ETS1: variants seen among roughly 807,000 people sequenced by gnomAD.
ETS1 encodes ETS proto-oncogene 1, transcription factor, also known as protein C-ets-1.
Under a neutral mutation model 58.6 loss-of-function variants are expected in ETS1, and 15 were observed. That is an observed-to-expected ratio of 0.26 (90% CI 0.17 to 0.39). ETS1 has a LOEUF of 0.39. Ranked by LOEUF, ETS1 falls within the 10% of genes least tolerant of loss-of-function variation. The probability of loss-of-function intolerance (pLI) is 1.00; values close to 1 mark genes in which losing one functional copy is unlikely to be tolerated. For synonymous variants in ETS1, 214 were observed against 218.2 expected, an observed-to-expected ratio of 0.98 and a Z score of 0.17; for missense variants, 417 against 610.5, an observed-to-expected ratio of 0.68 and a Z score of 3.34.
intron 2 of ETS1, among the ~76,000 whole-genome samples, chr11:128,561,047 G>A (rs976844382): frequency 1.3e-5 from 2 of 152,192 alleles, no homozygotes; most frequent in African/African-American, 2.4e-5. Context: ...GATTCAGGGA[G>A]GTGTTATAGA....
At chr11:128,584,711 G>A (rs1297646779) in intron 1 of ETS1, among the ~76,000 whole-genome samples, 1 of 152,022 alleles carries the variant, frequency 6.6e-6, no homozygotes, top group African/African-American at 2.4e-5. Flanking sequence ...CAAAAAGTAA[G>A]TTATGTCTTC....
chr11:128,461,687 C>T lies in ETS1; in HGVS notation c.*674G>A, dbSNP rs898563136. On this transcript the variant is annotated 3_prime_UTR_variant, in exon 10 of 10. Coordinates refer to ENST00000392668, the MANE Select transcript of ETS1 (RefSeq NM_001143820.2). Reference sequence around the variant, plus strand: ...CTTTCATTGTGACAGAATCCTCAGCCGGCAAATAAAAACAAACTTACATGA... The same window carrying T: ...CTTTCATTGTGACAGAATCCTCAGCTGGCAAATAAAAACAAACTTACATGA... 2.6e-5 allele frequency: 4 copies of T among 152,374 alleles called. No homozygotes were observed. The highest frequency in any genetic ancestry group is 4.4e-5 in the Non-Finnish European group (3 of 67,990). 9.4% of individuals were successfully genotyped at this position (152,374 alleles called of 1,614,324 possible).
chr11:128,546,885 G>A (rs982050484), intron 3 of ETS1, among the ~76,000 whole-genome samples: 26 of 152,184 alleles, frequency 1.7e-4, no homozygotes, highest in African/African-American at 5.3e-4. Flanking sequence ...ATCATAGTGT[G>A]ACTTTTCTGT....
chr11:128,505,800 C>G (rs923163639), intron 3 of ETS1, among the ~76,000 whole-genome samples: 7 of 152,196 alleles, frequency 4.6e-5, no homozygotes, highest in Non-Finnish European at 8.8e-5. Flanking sequence ...CAGCCCTCAT[C>G]CGCTGCTAAT....
At chr11:128,537,058 G>A (rs1591649226) in intron 3 of ETS1, among the ~76,000 whole-genome samples, 1 of 152,036 alleles carries the variant, frequency 6.6e-6, no homozygotes, top group Non-Finnish European at 1.5e-5. Flanking sequence ...ATCTGTCCAG[G>A]GTACAGAGAC....
At chr11:128,515,252 T>TCACACA (rs34618232) in intron 3 of ETS1, among the ~76,000 whole-genome samples, 64 of 150,598 alleles carry the variant, frequency 4.2e-4, no homozygotes, top group South Asian at 2.7e-3. Flanking sequence ...TATCTCTCTG[T>TCACACA]CACACACACA....
chr11:128,481,640 T>C (rs564531722), intron 7 of ETS1, among the ~76,000 whole-genome samples: 2 of 152,326 alleles, frequency 1.3e-5, no homozygotes, highest in Admixed American at 1.3e-4. Flanking sequence ...AACTCTTAAT[T>C]GTTCAGGGGT....
chr11:128,522,383 T>C, intron 3 of ETS1: 2 of 983,236 alleles, frequency 2.0e-6, no homozygotes, highest in Non-Finnish European at 2.4e-6. Flanking sequence ...CGGCGCCGCG[T>C]CTCGGCCGCT....
chr11:128,522,350 C>G, intron 3 of ETS1: 1 of 1,014,896 alleles, frequency 9.9e-7, no homozygotes, highest in Non-Finnish European at 1.2e-6. Flanking sequence ...CGCGCTCTCC[C>G]CTCCTCTTTA....
rs1243960618 is a variant in ETS1, at chr11:128,462,101, C to A, written c.*260G>T. 1 of 477,040 alleles carries A rather than the reference C, an allele frequency of 2.1e-6. No individual in the cohort carries two copies. Among genetic ancestry groups the A allele is most frequent in the Non-Finnish European group, 3.8e-6 (1 of 265,452 alleles). The allele number at this position is 477,040 out of a possible 1,614,324, so 29.6% of individuals were successfully genotyped here. A position where few individuals can be genotyped will look rare whatever the true frequency, so the allele number is the denominator to read the frequency against. Reference sequence around the variant, plus strand: ...TCTTTCTCTGTTAAGCCAGAGCCTTCAAGCTTCTGAGAAGGCCCTTCTCCC... The same window carrying A: ...TCTTTCTCTGTTAAGCCAGAGCCTTAAAGCTTCTGAGAAGGCCCTTCTCCC... On this transcript the variant is annotated 3_prime_UTR_variant, in exon 10 of 10. Transcript: ENST00000392668.
In ETS1 at chr11:128,485,939, A is replaced by C. The variant is rs1408980748; in HGVS notation, c.613+130T>G. On this transcript the variant is annotated intron_variant, in intron 6 of 9. Coordinates refer to ENST00000392668, the MANE Select transcript of ETS1 (RefSeq NM_001143820.2). ...GGAAAATAATAAAATAAAGTAACAA[A>C]GAAGAGTCTACATCTAAGAAGATAT... 6.3e-6 allele frequency: 4 copies of C among 631,116 alleles called. No individual in the cohort carries two copies. In the East Asian group the frequency reaches 1.1e-4, roughly 17 times the overall value. 39.1% of individuals were successfully genotyped at this position (631,116 alleles called of 1,614,324 possible). A position where few individuals can be genotyped will look rare whatever the true frequency, so the allele number is the denominator to read the frequency against.
rs1864369324 is a variant in ETS1 at position 128,559,427 on chromosome 11, A to T, written c.70-2992T>A. On this transcript the variant is annotated intron_variant, in intron 2 of 9. Transcript: ENST00000392668. ...CCATGCACAGAATCAGCTTGATTTT[A>T]TGTGGTTGGTTTTTTTCCTGGAGTC... 2.0e-5 allele frequency among the ~76,000 whole-genome samples: 3 copies of T among 152,156 alleles called. No homozygotes were observed. The South Asian group carries it at 6.2e-4, about 32-fold the overall frequency.
chr11:128,495,952 A>G (rs899691931), intron 3 of ETS1, among the ~76,000 whole-genome samples: 1 of 152,134 alleles, frequency 6.6e-6, no homozygotes, highest in African/African-American at 2.4e-5. Flanking sequence ...CTCAAAATTT[A>G]TCAATACTAC....
chr11:128,492,874 T>A (rs1252062864), intron 3 of ETS1, among the ~76,000 whole-genome samples: 1 of 152,138 alleles, frequency 6.6e-6, no homozygotes. Context: ...CAGCCCCAGC[T>A]CCCAGCACAT....
chr11:128,522,304 C>G (rs904864161), intron 3 of ETS1: 10 of 1,076,298 alleles, frequency 9.3e-6, no homozygotes, highest in African/African-American at 1.7e-5. Context: ...CGTTCGCTCT[C>G]GATCTCCCGG....
intron 2 of ETS1, among the ~76,000 whole-genome samples, chr11:128,562,320 A>T (rs994648695): frequency 6.6e-6 from 1 of 152,148 alleles, no homozygotes; most frequent in Admixed American, 6.5e-5. Context: ...GAGGCAGGAG[A>T]ATCATTTGAA....
At chr11:128,480,160 G>C in intron 8 of ETS1, 31 bp downstream of exon 8, 1 of 1,609,678 alleles carries the variant, frequency 6.2e-7, no homozygotes, top group Non-Finnish European at 8.5e-7. Context: ...CGTGCAGATG[G>C]AGTTGGCCTA....
intron 3 of ETS1, among the ~76,000 whole-genome samples, chr11:128,503,538 A>G (rs1863146130): frequency 6.6e-6 from 1 of 152,216 alleles, no homozygotes; most frequent in South Asian, 2.1e-4. Flanking sequence ...CATGCTATGC[A>G]AATGGTGGAG....
intron 3 of ETS1, among the ~76,000 whole-genome samples, chr11:128,493,835 A>G (rs1862867834): frequency 6.6e-6 from 1 of 152,254 alleles, no homozygotes; most frequent in Non-Finnish European, 1.5e-5. Context: ...TAAATAGAAA[A>G]TAAACTCACC....
Sources: allele counts gnomAD v4.1 joint callset (sites outside exome capture counted in the v4.1 genomes callset), GRCh38; gene constraint gnomAD v4.1.1; transcripts MANE v1.5; gene names NCBI Gene and HGNC (gene_info 2026-07-23, HGNC 2026-07-21).